Variants in PLEKHM3 observed in about 807,000 individuals in gnomAD.
PLEKHM3 encodes pleckstrin homology domain containing M3.
A neutral mutation model predicts 81.8 loss-of-function variants in PLEKHM3; 45 were observed. The observed-to-expected ratio is 0.55, with a 90% CI of 0.43 to 0.71. The LOEUF (loss-of-function observed/expected upper bound fraction) is 0.71, where lower values mean the gene tolerates loss of function less well. PLEKHM3 is among the 30% of genes least tolerant of loss of function. The probability of loss-of-function intolerance (pLI) is 0.00; values close to 1 mark genes in which losing one functional copy is unlikely to be tolerated. For missense variants in PLEKHM3, 788 were observed against 924.3 expected, an observed-to-expected ratio of 0.85 and a Z score of 1.91; for synonymous variants, 352 against 356.4, an observed-to-expected ratio of 0.99 and a Z score of 0.14.
At chr2:207,896,966 T>C (rs1322735203) in intron 6 of PLEKHM3, among the ~76,000 whole-genome samples, 1 of 152,220 alleles carries the variant, frequency 6.6e-6, no homozygotes, top group Admixed American at 6.5e-5. Flanking sequence ...CAAAAGGTCA[T>C]GCATTCTTGC....
Position 207,822,081 on chromosome 2 carries a change from G to A in PLEKHM3, c.*6238C>T, listed in dbSNP as rs2092221067. The A allele has an allele frequency of 6.6e-6, 1 of 152,132 alleles. No individual in the cohort carries two copies. Among genetic ancestry groups the A allele is most frequent in the African/African-American group, 2.4e-5 (1 of 41,332 alleles). The allele number at this position is 152,132 out of a possible 1,614,324, so 9.4% of individuals were successfully genotyped here. On this transcript the variant is annotated 3_prime_UTR_variant, in exon 8 of 8. Transcript: ENST00000427836. The stretch of plus-strand genomic sequence containing the variant: ...CCCACTTCAGCCTCCCAAATAGCTG[G>A]GACTGTAGGCACATGCCACCATGCC...
chr2:207,930,007 G>T, intron 5 of PLEKHM3: 2 of 661,020 alleles, frequency 3.0e-6, no homozygotes, highest in Non-Finnish European at 5.5e-6. Context: ...ATTATTTCAA[G>T]TATAAGCTAG....
intron 2 of PLEKHM3, among the ~76,000 whole-genome samples, chr2:207,989,283 G>A (rs1161454228): frequency 6.6e-6 from 1 of 152,196 alleles, no homozygotes; most frequent in African/African-American, 2.4e-5. Flanking sequence ...GCAATATGCA[G>A]CATAAAGTAC....
chr2:207,923,092 C>T (rs1689240946), intron 5 of PLEKHM3, among the ~76,000 whole-genome samples: 1 of 152,130 alleles, frequency 6.6e-6, no homozygotes, highest in East Asian at 1.9e-4. Flanking sequence ...GTGGTCCACA[C>T]AGGAACCATG....
rs144695251 is a variant in PLEKHM3, at chr2:207,845,860, C to T, written c.2108+15245G>A. ...TCATGGAGCTTACATTATTTCAAAA[C>T]GGTGGACTGAACTGCAATTTGGATT... On this transcript the variant is annotated intron_variant, in intron 7 of 7. Transcript: ENST00000427836. Among the ~76,000 whole-genome samples, 16 of 152,290 alleles carry T rather than the reference C, an allele frequency of 1.1e-4. No individual in the cohort carries two copies. The East Asian group carries it at 1.2e-3, about 11-fold the overall frequency.
intron 5 of PLEKHM3, among the ~76,000 whole-genome samples, chr2:207,913,744 T>TA (rs1688888501): frequency 6.6e-6 from 1 of 151,746 alleles, no homozygotes; most frequent in Non-Finnish European, 1.5e-5. Flanking sequence ...TCTAAAAACA[T>TA]AAGAGAAACT....
intron 5 of PLEKHM3, among the ~76,000 whole-genome samples, chr2:207,912,136 A>T (rs1688829349): frequency 6.6e-6 from 1 of 152,214 alleles, no homozygotes; most frequent in Non-Finnish European, 1.5e-5. Flanking sequence ...AACAAAGAGA[A>T]TTTCCAATTT....
At chr2:207,987,545 G>A (rs1217018384) in intron 2 of PLEKHM3, among the ~76,000 whole-genome samples, 1 of 152,130 alleles carries the variant, frequency 6.6e-6, no homozygotes, top group Admixed American at 6.5e-5. Context: ...CGGACTCAGC[G>A]GGAAAGAACA....
In PLEKHM3 at chr2:207,849,933, A is replaced by G. The variant is rs540262532; in HGVS notation, c.2108+11172T>C. ...TGAGACAGGGAAACATTTTTTTAAAAGTTTATTTGGCTCCTGATTCTGGAG... is the reference window on the plus strand; with the variant it reads ...TGAGACAGGGAAACATTTTTTTAAAGGTTTATTTGGCTCCTGATTCTGGAG... On this transcript the variant is annotated intron_variant, in intron 7 of 7. Transcript: ENST00000427836. Among the ~76,000 whole-genome samples the G allele has an allele frequency of 1.1e-4, 16 of 152,312 alleles. No homozygotes were observed. The South Asian group carries it at 3.3e-3, about 32-fold the overall frequency.
At chr2:207,876,680 C>T (rs775941685) in intron 6 of PLEKHM3, among the ~76,000 whole-genome samples, 5 of 152,180 alleles carry the variant, frequency 3.3e-5, no homozygotes, top group African/African-American at 4.8e-5. Context: ...GACACTTAAA[C>T]TTATCTCTTT....
chr2:207,837,845 A>T (rs1467629340), intron 7 of PLEKHM3, among the ~76,000 whole-genome samples: 1 of 129,800 alleles, frequency 7.7e-6, no homozygotes, highest in African/African-American at 2.9e-5. Flanking sequence ...ATCTCAGCTC[A>T]CTGCAACCTC....
chr2:207,924,120 G>A (rs1254372554), intron 5 of PLEKHM3, among the ~76,000 whole-genome samples: 2 of 150,910 alleles, frequency 1.3e-5, no homozygotes, highest in Non-Finnish European at 3.0e-5. Context: ...GGCGAGGCTG[G>A]TCTTGAACTC....
In PLEKHM3 at chr2:207,976,909, G is replaced by A; in HGVS notation, c.1288C>T (p.Pro430Ser). The A allele has an allele frequency of 6.2e-7, 1 of 1,614,216 alleles. No homozygotes were observed. Among genetic ancestry groups the A allele is most frequent in the Non-Finnish European group, 8.5e-7 (1 of 1,180,048 alleles). Residue 430 changes from proline to serine, a missense_variant, in exon 3 of 8, where the codon CCC (proline) becomes TCC (serine). By Grantham distance (74) the Pro-to-Ser change is moderately conservative (BLOSUM62 -1). Coordinates refer to ENST00000427836, the MANE Select transcript of PLEKHM3 (RefSeq NM_001080475.3). This position sits in a 1 kb window ranked among gnomAD's most constrained non-coding sequence, Gnocchi z 4.1. ...GCTCGGAGGCGAAGGACATCCTGGG[G>A]GAAAATGACTTGAAAGCAAGAGTCG... The part of the protein sequence containing the change: ...GCDSCFQVIF[P>S]QDVLRLRAET...
intron 4 of PLEKHM3, among the ~76,000 whole-genome samples, chr2:207,933,080 C>A (rs2105944554): frequency 6.6e-6 from 1 of 152,194 alleles, no homozygotes; most frequent in South Asian, 2.1e-4. Context: ...GTTGTGTGAT[C>A]CTATAGCATC....
At chr2:207,995,950 G>A (rs548390896) in intron 2 of PLEKHM3, among the ~76,000 whole-genome samples, 1 of 152,160 alleles carries the variant, frequency 6.6e-6, no homozygotes, top group Admixed American at 6.5e-5. Context: ...AGTTGAAAAC[G>A]TTATAAAATT....
chr2:208,011,866 C>T (rs917488669), intron 1 of PLEKHM3, among the ~76,000 whole-genome samples: 2 of 123,492 alleles, frequency 1.6e-5, no homozygotes, highest in African/African-American at 6.4e-5. Context: ...GGTGTGATCT[C>T]GGCTCACGGC....
chr2:207,947,279 C>T lies in PLEKHM3; in HGVS notation c.1547-767G>A, dbSNP rs73064848. On this transcript the variant is annotated intron_variant, in intron 3 of 7. Transcript: ENST00000427836. ...ATTACCTCTCCTTACACAGCACCCTCTTCTCTGCTCTTTACTTCAACAAAT... is the reference window on the plus strand; with the variant it reads ...ATTACCTCTCCTTACACAGCACCCTTTTCTCTGCTCTTTACTTCAACAAAT... Among the ~76,000 whole-genome samples the T allele has an allele frequency of 4.7e-3, 720 of 152,354 alleles. 9 individuals are homozygous for T. Among genetic ancestry groups the T allele is most frequent in the African/African-American group, 0.016 (664 of 41,582 alleles).
Position 208,017,770 on chromosome 2 carries a change from T to C in PLEKHM3, c.-319+7619A>G, listed in dbSNP as rs1692972134. Among the ~76,000 whole-genome samples the C allele has an allele frequency of 2.0e-5, 3 of 152,298 alleles. No individual in the cohort carries two copies. In the South Asian group the frequency reaches 6.2e-4, roughly 32 times the overall value. ...TTCACAGGAAAAGGTCACCAGTGAT[T>C]TTCTTTTTGCTAAACCCTAAAGACT... On this transcript the variant is annotated intron_variant, in intron 1 of 7. Coordinates refer to ENST00000427836, the MANE Select transcript of PLEKHM3 (RefSeq NM_001080475.3).
At chr2:207,839,165 C>T (rs2092335865) in intron 7 of PLEKHM3, among the ~76,000 whole-genome samples, 1 of 152,026 alleles carries the variant, frequency 6.6e-6, no homozygotes, top group South Asian at 2.1e-4. Context: ...GAATGGGACT[C>T]ACTTGTATTT....
Sources: gnomAD v4.1 joint callset for allele counts (sites outside exome capture counted in the v4.1 genomes callset) on GRCh38, gnomAD v4.1.1 for gene constraint, Gnocchi (gnomAD v3.1) non-coding constraint, MANE v1.5 for transcripts, NCBI Gene and HGNC (gene_info 2026-07-23, HGNC 2026-07-21) for gene names.